The following PRH1 variants were observed in gnomAD, a reference collection of about 807,000 sequenced individuals.
PRH1 encodes the protein salivary acidic proline-rich phosphoprotein 1/2.
In PRH1, 7 loss-of-function variants were observed where a neutral mutation model predicts 7.9. The ratio of observed to expected loss-of-function variants is 0.89; its 90% CI spans 0.50 to 1.67. PRH1 has a LOEUF of 1.67. Ranked by LOEUF, PRH1 falls within the 40% of genes most tolerant of loss-of-function variation. PRH1 has a pLI of 0.00. For synonymous variants in PRH1, 45 were observed against 80.8 expected, an observed-to-expected ratio of 0.56 and a Z score of 2.38; for missense variants, 109 against 223.6, an observed-to-expected ratio of 0.49 and a Z score of 3.27.
At chr12:11,110,741 T>A (rs921202542) in intron 1 of PRH1, among the ~76,000 whole-genome samples, 8 of 151,910 alleles carry the variant, frequency 5.3e-5, no homozygotes, top group Non-Finnish European at 8.8e-5. Context: ...AGAAACTACA[T>A]CAACTAATGA....
upstream of PRH1, among the ~76,000 whole-genome samples, chr12:10,886,171 T>C (rs1338286674): frequency 1.3e-5 from 2 of 152,194 alleles, no homozygotes; most frequent in Non-Finnish European, 2.9e-5. Context: ...ATGGAGATTA[T>C]TGTCTCTGGT....
At position 10,996,932 on chromosome 12, in the gene PRH1, C is replaced by T. The variant is rs762535484; in HGVS notation, c.-125-23211G>A. ...GTTTTCTGCTAGAAAACACACAATG[C>T]ACCTCTTGTGAATCTATGGAGTTGA... is the stretch of plus-strand genomic sequence containing the variant. On this transcript the variant is annotated intron_variant, in intron 1 of 3. Coordinates refer to the PRH1 transcript ENST00000539853. The T allele has an allele frequency of 2.5e-5, 40 of 1,576,016 alleles. 1 individual carries two copies. The highest frequency in any genetic ancestry group is 2.5e-4 in the South Asian group (21 of 84,938).
intron 1 of PRH1, among the ~76,000 whole-genome samples, chr12:11,144,044 C>G (rs754052771): frequency 6.6e-6 from 1 of 152,132 alleles, no homozygotes; most frequent in Non-Finnish European, 1.5e-5. Flanking sequence ...TGGTTTAATG[C>G]TCTATTTTTG....
Position 10,986,247 on chromosome 12 carries a change from T to C in PRH1, c.-125-12526A>G. On this transcript the variant is annotated intron_variant, in intron 1 of 3. Coordinates refer to the PRH1 transcript ENST00000539853. ...TCCATGGAGCTGCATCTTCTTGAGA[T>C]GTTTACACAGAGAACAGATTAGCAT... The C allele has an allele frequency of 5.0e-6, 8 of 1,614,144 alleles. No individual in the cohort carries two copies. The highest frequency in any genetic ancestry group is 6.8e-6 in the Non-Finnish European group (8 of 1,180,024).
At chr12:11,042,853 T>C (rs1942765512) in intron 1 of PRH1, among the ~76,000 whole-genome samples, 2 of 151,880 alleles carry the variant, frequency 1.3e-5, no homozygotes, top group South Asian at 4.2e-4. Flanking sequence ...ATGGTCTTGA[T>C]CTCCTGACCT....
chr12:11,052,252 T>G (rs76081292), intron 1 of PRH1, among the ~76,000 whole-genome samples: 7,074 of 122,116 alleles, frequency 0.058, no homozygotes, highest in Non-Finnish European at 0.059. Context: ...CTTTGTATTT[T>G]CAGTAATTTT....
intron 1 of PRH1, among the ~76,000 whole-genome samples, chr12:11,012,756 C>T (rs1343532842): frequency 6.6e-6 from 1 of 151,978 alleles, no homozygotes; most frequent in African/African-American, 2.4e-5. Flanking sequence ...TGGGGTCTCC[C>T]TATGTTGCCC....
chr12:11,072,280 C>T (rs188425696), intron 1 of PRH1, among the ~76,000 whole-genome samples: 38 of 152,230 alleles, frequency 2.5e-4, no homozygotes, highest in African/African-American at 8.4e-4. Context: ...AGCCATCATA[C>T]CAAGCCTGCA....
At chr12:11,144,341 TGA>T (rs1358346108) in intron 1 of PRH1, among the ~76,000 whole-genome samples, 2 of 152,038 alleles carry the variant, frequency 1.3e-5, no homozygotes, top group African/African-American at 4.8e-5. Context: ...CTGCCTCTGC[TGA>T]GTCTTGCAGG....
rs532266422 is a variant in PRH1 at position 10,997,317 on chromosome 12, G to A, written c.-125-23596C>T. ...AAAGATATCAGGGTCAGAGTGAATG[G>A]TATCAAGTTTGCTAGCATGGCTACA... On this transcript the variant is annotated intron_variant, in intron 1 of 3. Transcript: ENST00000539853. 6.1e-5 allele frequency: 99 copies of A among 1,614,070 alleles called. No individual in the cohort carries two copies. In the East Asian group the frequency reaches 2.0e-3, roughly 32 times the overall value.
chr12:10,889,858 A>G (rs1949545897), intron 2 of PRH1, among the ~76,000 whole-genome samples: 2 of 152,046 alleles, frequency 1.3e-5, no homozygotes, highest in South Asian at 4.1e-4. Flanking sequence ...CTGTTTTCTT[A>G]ATTTATAATT....
intron 1 of PRH1, chr12:11,134,008 T>G: frequency 6.2e-7 from 1 of 1,614,116 alleles, no homozygotes; most frequent in Non-Finnish European, 8.5e-7. Context: ...TAATTCTTAC[T>G]TCTACACTAT....
intron 1 of PRH1, chr12:11,159,142 A>G (rs1185439732): frequency 6.6e-6 from 1 of 152,118 alleles, no homozygotes; most frequent in East Asian, 1.9e-4. Flanking sequence ...GAGTCAGAAG[A>G]AAGGGAATAA....
At chr12:11,128,415 G>C (rs73049632) in intron 1 of PRH1, among the ~76,000 whole-genome samples, 4,658 of 152,068 alleles carry the variant, frequency 0.031, 97 homozygotes, top group Non-Finnish European at 0.04. Context: ...GCTATGCTCT[G>C]AGACTCCATT....
chr12:10,897,138 G>A (rs977171142), intron 2 of PRH1, among the ~76,000 whole-genome samples: 4 of 152,056 alleles, frequency 2.6e-5, no homozygotes, highest in African/African-American at 9.7e-5. Flanking sequence ...CCAAGAAAGC[G>A]ATATTTGACC....
intron 1 of PRH1, among the ~76,000 whole-genome samples, chr12:11,122,156 C>T (rs1945929811): frequency 6.6e-6 from 1 of 151,944 alleles, no homozygotes. Context: ...AGACTTTACA[C>T]AGAGATTTAA....
At chr12:11,004,437 G>A (rs573534373) in intron 1 of PRH1, among the ~76,000 whole-genome samples, 8 of 152,010 alleles carry the variant, frequency 5.3e-5, no homozygotes, top group South Asian at 2.1e-4. Flanking sequence ...ACCCGGAGGC[G>A]GAGGTTGCGG....
intron 1 of PRH1, among the ~76,000 whole-genome samples, chr12:11,170,870 AC>A (rs1312715411): frequency 6.6e-6 from 1 of 152,180 alleles, no homozygotes; most frequent in African/African-American, 2.4e-5. Flanking sequence ...GAATACAGAG[AC>A]CTTGTGCTTT....
At chr12:11,123,857 T>C (rs1002292359) in intron 1 of PRH1, among the ~76,000 whole-genome samples, 3 of 152,334 alleles carry the variant, frequency 2.0e-5, no homozygotes, top group African/African-American at 7.2e-5. Context: ...TGTTTTAGTG[T>C]TCAGAATAAT....
Sources: allele counts gnomAD v4.1 joint callset (sites outside exome capture counted in the v4.1 genomes callset), GRCh38; gene constraint gnomAD v4.1.1; transcripts MANE v1.5; gene names NCBI Gene and HGNC (gene_info 2026-07-23, HGNC 2026-07-21).